NEK11: variants seen among roughly 807,000 people sequenced by gnomAD.
NEK11 encodes serine/threonine-protein kinase Nek11.
In NEK11, 72 loss-of-function variants were observed where a neutral mutation model predicts 80.7. That is an observed-to-expected ratio of 0.89 (90% CI 0.74 to 1.08). NEK11 has a LOEUF of 1.08. Among genes scored for constraint, NEK11 ranks in the 50% least tolerant of loss-of-function variants. NEK11 has a pLI of 0.00. For missense variants in NEK11, 764 were observed against 763.6 expected, an observed-to-expected ratio of 1.00 and a Z score of -0.01; for synonymous variants, 251 against 260.7, an observed-to-expected ratio of 0.96 and a Z score of 0.36.
chr3:131,256,496 T>C (rs2095819228), intron 16 of NEK11, among the ~76,000 whole-genome samples: 1 of 152,204 alleles, frequency 6.6e-6, no homozygotes, highest in Non-Finnish European at 1.5e-5. Flanking sequence ...AAACTGGTTT[T>C]AAGGTAAATG....
rs892734228 is a variant in NEK11, at chr3:131,312,195, G to A, written c.1719-37362G>A. ...TTTAAGTCAGGGAGACTTGGACTCCGATTTTTCTTGCCACTAAACAATTTT... is the reference window on the plus strand; with the variant it reads ...TTTAAGTCAGGGAGACTTGGACTCCAATTTTTCTTGCCACTAAACAATTTT... On this transcript the variant is annotated intron_variant, in intron 17 of 17. Coordinates refer to ENST00000383366, the MANE Select transcript of NEK11 (RefSeq NM_024800.5). Among the ~76,000 whole-genome samples, 7 of 152,158 alleles carry A rather than the reference G, an allele frequency of 4.6e-5. No individual in the cohort carries two copies. The East Asian group carries it at 7.7e-4, about 17-fold the overall frequency.
In NEK11 at chr3:131,243,464, G is replaced by A. The variant is rs767319714; in HGVS notation, c.1589G>A (p.Cys530Tyr). ...QDSDIEALAR[C>Y]LENVLGCTSL... ...AGTGATATCGAAGCGTTGGCCAGGT[G>A]TTTGGAAAATGTCCTGGGTTGCACT... Residue 530 changes from cysteine to tyrosine, a missense_variant, in exon 16 of 18, where the codon TGT becomes TAT. Physicochemically the swap from Cys to Tyr is radical, Grantham distance 194. Transcript: ENST00000383366. 1.2e-6 allele frequency: 2 copies of A among 1,612,826 alleles called. No homozygotes were observed. Among genetic ancestry groups the A allele is most frequent in the African/African-American group, 2.7e-5 (2 of 74,798 alleles).
intron 14 of NEK11, among the ~76,000 whole-genome samples, chr3:131,205,996 T>G (rs2094431028): frequency 2.6e-5 from 4 of 152,234 alleles, no homozygotes; most frequent in Admixed American, 2.6e-4. Flanking sequence ...ATGGAATCAC[T>G]GCGTATAAGT....
intron 14 of NEK11, among the ~76,000 whole-genome samples, chr3:131,220,083 T>C (rs759534872): frequency 1.3e-5 from 2 of 152,232 alleles, no homozygotes; most frequent in Non-Finnish European, 2.9e-5. Context: ...TGTCACCAGT[T>C]AACTTTGACT....
At chr3:131,087,671 A>G (rs1252868587) in intron 4 of NEK11, among the ~76,000 whole-genome samples, 1 of 152,226 alleles carries the variant, frequency 6.6e-6, no homozygotes, top group Non-Finnish European at 1.5e-5. Context: ...TATTTAAACA[A>G]ACCAAGTAAG....
At chr3:131,125,467 T>G (rs995146076) in intron 5 of NEK11, among the ~76,000 whole-genome samples, 3 of 152,202 alleles carry the variant, frequency 2.0e-5, no homozygotes, top group African/African-American at 7.2e-5. Flanking sequence ...CTGAGAGAGA[T>G]ATTTCCTTAT....
chr3:131,169,083 G>T, intron 13 of NEK11, 146 bp downstream of exon 13: 2 of 547,398 alleles, frequency 3.7e-6, no homozygotes, highest in Non-Finnish European at 6.5e-6. Context: ...TCATTGAGCT[G>T]AAAAAGATGA....
intron 4 of NEK11, among the ~76,000 whole-genome samples, chr3:131,090,753 A>G (rs1391880091): frequency 6.6e-6 from 1 of 152,140 alleles, no homozygotes; most frequent in African/African-American, 2.4e-5. Flanking sequence ...AGAAAAAATC[A>G]GAGGTTTTTG....
At chr3:131,115,902 T>C (rs1318841026) in intron 5 of NEK11, among the ~76,000 whole-genome samples, 2 of 70,170 alleles carry the variant, frequency 2.9e-5, no homozygotes, top group Non-Finnish European at 5.8e-5. Context: ...AAAGGTAGTG[T>C]TTTCTTTCTT....
At chr3:131,251,147 G>A (rs1466910245) in intron 16 of NEK11, among the ~76,000 whole-genome samples, 1 of 135,252 alleles carries the variant, frequency 7.4e-6, no homozygotes, top group African/African-American at 2.8e-5. Flanking sequence ...AAACAGAAAA[G>A]TTTAAAAAAA....
intron 5 of NEK11, among the ~76,000 whole-genome samples, chr3:131,117,370 T>TTA (rs2081437937): frequency 1.3e-5 from 2 of 152,252 alleles, no homozygotes; most frequent in African/African-American, 4.8e-5. Context: ...GCTGTTTTGG[T>TTA]TACTGTAGCC....
intron 16 of NEK11, among the ~76,000 whole-genome samples, chr3:131,260,023 C>T (rs966085796): frequency 2.6e-5 from 4 of 152,124 alleles, no homozygotes; most frequent in African/African-American, 9.7e-5. Flanking sequence ...AAGTTTGTGT[C>T]AGCTAAGCCT....
At chr3:131,275,774 G>T (rs2096281397) in intron 17 of NEK11, among the ~76,000 whole-genome samples, 1 of 152,216 alleles carries the variant, frequency 6.6e-6, no homozygotes, top group Non-Finnish European at 1.5e-5. Flanking sequence ...GTGATATACT[G>T]CATGCTCAGC....
intron 14 of NEK11, among the ~76,000 whole-genome samples, chr3:131,210,216 T>C (rs1200166480): frequency 6.6e-6 from 1 of 152,218 alleles, no homozygotes; most frequent in African/African-American, 2.4e-5. Context: ...AGAACATCTT[T>C]ATTTCTGCCT....
At chr3:131,065,416 T>A (rs1249525738) in intron 3 of NEK11, among the ~76,000 whole-genome samples, 1 of 152,222 alleles carries the variant, frequency 6.6e-6, no homozygotes, top group Non-Finnish European at 1.5e-5. Flanking sequence ...CTCAACATCT[T>A]AAAATCATTC....
At chr3:131,341,753 C>G (rs1000934950) in intron 17 of NEK11, among the ~76,000 whole-genome samples, 1 of 151,978 alleles carries the variant, frequency 6.6e-6, no homozygotes, top group Non-Finnish European at 1.5e-5. Flanking sequence ...TTCTTTATCT[C>G]TAATAATGCT....
intron 4 of NEK11, among the ~76,000 whole-genome samples, chr3:131,084,208 A>G (rs1221340221): frequency 2.0e-5 from 3 of 152,216 alleles, no homozygotes; most frequent in Non-Finnish European, 2.9e-5. Context: ...AGTTTACATC[A>G]TATGAGCCAT....
At chr3:131,298,339 A>C (rs889080244) in intron 17 of NEK11, among the ~76,000 whole-genome samples, 2 of 152,056 alleles carry the variant, frequency 1.3e-5, no homozygotes, top group Non-Finnish European at 2.9e-5. Flanking sequence ...CTTTTATTTC[A>C]TTGAGCAGTG....
intron 10 of NEK11, among the ~76,000 whole-genome samples, chr3:131,155,943 G>C (rs536134684): frequency 6.6e-6 from 1 of 152,084 alleles, no homozygotes; most frequent in Non-Finnish European, 1.5e-5. Flanking sequence ...ATTTTTAGAC[G>C]TGTTCTTAAT....
Sources: allele counts gnomAD v4.1 joint callset (sites outside exome capture counted in the v4.1 genomes callset), GRCh38; gene constraint gnomAD v4.1.1; transcripts MANE v1.5; gene names NCBI Gene and HGNC (gene_info 2026-07-23, HGNC 2026-07-21).